MYT1L: variants seen among roughly 807,000 people sequenced by gnomAD.
The protein encoded by MYT1L is myelin transcription factor 1 like.
In MYT1L, 12 loss-of-function variants were observed where a neutral mutation model predicts 126.7. The observed-to-expected ratio is 0.09, with a 90% confidence interval of 0.06 to 0.15. The LOEUF is 0.15. Ranked by LOEUF, MYT1L falls within the 10% of genes least tolerant of loss-of-function variation. The pLI, the probability that MYT1L is intolerant of heterozygous loss-of-function variation, is 1.00. For missense variants in MYT1L, 979 were observed against 1,585.2 expected (o/e 0.62, Z 6.49); for synonymous variants, 541 against 604.2 (o/e 0.90, Z 1.53).
chr2:2,262,488 C>T (rs547972232), intron 2 of MYT1L, among the ~76,000 whole-genome samples: 3 of 151,942 alleles, frequency 2.0e-5, no homozygotes, highest in Non-Finnish European at 4.4e-5. Context: ...GTCAGGAGGT[C>T]GAGACCATCC....
At chr2:1,932,222 C>G (rs1247319568) in intron 9 of MYT1L, among the ~76,000 whole-genome samples, 1 of 152,160 alleles carries the variant, frequency 6.6e-6, no homozygotes, top group East Asian at 1.9e-4. Context: ...AGGAAAACGT[C>G]TATTTAAGAT....
intron 4 of MYT1L, among the ~76,000 whole-genome samples, chr2:2,005,038 G>T (rs915080564): frequency 3.3e-5 from 5 of 149,826 alleles, no homozygotes; most frequent in Non-Finnish European, 7.4e-5. Context: ...TTTCCTGCAG[G>T]CGTTCTTTCC....
At chr2:1,978,860 C>T (rs1270208275) in intron 8 of MYT1L, among the ~76,000 whole-genome samples, 1 of 152,112 alleles carries the variant, frequency 6.6e-6, no homozygotes, top group Admixed American at 6.5e-5. Context: ...CCTCGGTGAG[C>T]AGTGGGAAGT....
At chr2:2,238,647 A>T (rs984021523) in intron 2 of MYT1L, among the ~76,000 whole-genome samples, 2 of 152,240 alleles carry the variant, frequency 1.3e-5, no homozygotes, top group Non-Finnish European at 2.9e-5. Context: ...TGTGCAGTGT[A>T]TATCTGAGAG....
chr2:2,262,710 T>A (rs957866833), intron 2 of MYT1L, among the ~76,000 whole-genome samples: 8 of 145,680 alleles, frequency 5.5e-5, no homozygotes, highest in African/African-American at 7.6e-5. Context: ...AAAAAAAAAA[T>A]TATGATTCCT....
intron 4 of MYT1L, among the ~76,000 whole-genome samples, chr2:2,040,427 G>A (rs2067401762): frequency 6.6e-6 from 1 of 152,196 alleles, no homozygotes; most frequent in Non-Finnish European, 1.5e-5. Flanking sequence ...GAGAATGTCT[G>A]CTCTGTGGAG....
chr2:1,933,845 C>A (rs546124354), intron 9 of MYT1L, among the ~76,000 whole-genome samples: 1 of 152,090 alleles, frequency 6.6e-6, no homozygotes, highest in Non-Finnish European at 1.5e-5. Context: ...GAATTTTTAA[C>A]ATTATTCAGT....
At chr2:1,899,531 G>A (rs919750054) in intron 14 of MYT1L, among the ~76,000 whole-genome samples, 12 of 152,278 alleles carry the variant, frequency 7.9e-5, no homozygotes, top group Non-Finnish European at 1.3e-4. Context: ...GTCAGCCTGC[G>A]TGGATTTCTA....
intron 4 of MYT1L, among the ~76,000 whole-genome samples, chr2:2,031,583 C>A (rs2066263883): frequency 2.1e-5 from 3 of 144,068 alleles, no homozygotes; most frequent in African/African-American, 8.0e-5. Context: ...TTACACACAC[C>A]CCTCGCCAGT....
At chr2:2,289,900 G>C (rs1190481780) in intron 1 of MYT1L, among the ~76,000 whole-genome samples, 1 of 152,206 alleles carries the variant, frequency 6.6e-6, no homozygotes, top group East Asian at 1.9e-4. Context: ...TTCAGCACTG[G>C]CAGCAAGGGC....
At chr2:1,802,054 G>A in intron 22 of MYT1L, 1 of 358,458 alleles carries the variant, frequency 2.8e-6, no homozygotes, top group South Asian at 3.8e-5. Flanking sequence ...GCACTTTGAG[G>A]GTCGAGCTCC....
intron 4 of MYT1L, among the ~76,000 whole-genome samples, chr2:2,004,366 T>C (rs140768698): frequency 0.04 from 2,739 of 67,948 alleles, 101 homozygotes; most frequent in Middle Eastern, 0.077. Flanking sequence ...TTCTTTCCTG[T>C]GTGCCTTCTT....
In MYT1L at chr2:2,085,731, T is replaced by C. The variant is rs1248757686; in HGVS notation, c.-303-31608A>G. Among the ~76,000 whole-genome samples the C allele has an allele frequency of 1.3e-4, 20 of 152,210 alleles. No individual in the cohort carries two copies. In the East Asian group the frequency reaches 3.7e-3, roughly 28 times the overall value. On this transcript the variant is annotated intron_variant, in intron 3 of 24. Transcript: ENST00000647738. Reference sequence around the variant, plus strand: ...TTGAATTTGATCCACACAGTCCTACTGTTTTATGCCCTAGCTGGAGCCCAG... The same window carrying C: ...TTGAATTTGATCCACACAGTCCTACCGTTTTATGCCCTAGCTGGAGCCCAG...
intron 2 of MYT1L, among the ~76,000 whole-genome samples, chr2:2,243,215 G>A (rs1330325180): frequency 6.6e-6 from 1 of 152,180 alleles, no homozygotes; most frequent in Non-Finnish European, 1.5e-5. Flanking sequence ...CTTTATTACA[G>A]TTTCCTCAAC....
chr2:1,958,563 T>G (rs377021054), intron 8 of MYT1L, among the ~76,000 whole-genome samples: 1 of 152,138 alleles, frequency 6.6e-6, no homozygotes, highest in African/African-American at 2.4e-5. Flanking sequence ...CTTGAAGAGG[T>G]GTCTCAGGGT....
At chr2:1,813,963 C>T (rs1162659770) in intron 21 of MYT1L, among the ~76,000 whole-genome samples, 1 of 133,108 alleles carries the variant, frequency 7.5e-6, no homozygotes, top group Non-Finnish European at 1.6e-5. Context: ...GGAGGCGGAG[C>T]TTGCAGTGAG....
intron 8 of MYT1L, among the ~76,000 whole-genome samples, chr2:1,959,359 C>A (rs984686183): frequency 6.6e-6 from 1 of 151,976 alleles, no homozygotes; most frequent in Admixed American, 6.6e-5. Flanking sequence ...CGGAGACAGG[C>A]CTGTGACCTC....
At chr2:2,301,774 C>T (rs1372303210) in intron 1 of MYT1L, among the ~76,000 whole-genome samples, 2 of 149,050 alleles carry the variant, frequency 1.3e-5, no homozygotes, top group African/African-American at 5.0e-5. Flanking sequence ...CTGCAGTGAG[C>T]TACGTTTGCA....
In MYT1L at chr2:1,803,729, G is replaced by T. The variant is rs1468322223; in HGVS notation, c.3173-1930C>A. On this transcript the variant is annotated intron_variant, in intron 22 of 24. Transcript: ENST00000647738. ...AGCCTGGGAACGTCTCAGTCCTGGG[G>T]CTGCCCACTGCGGCTCTGTGCAGCA... Among the ~76,000 whole-genome samples the T allele has an allele frequency of 2.0e-5, 3 of 152,198 alleles. No individual in the cohort carries two copies. In the East Asian group the frequency reaches 5.8e-4, roughly 29 times the overall value.
Sources: gnomAD v4.1 joint callset for allele counts (sites outside exome capture counted in the v4.1 genomes callset) on GRCh38, gnomAD v4.1.1 for gene constraint, MANE v1.5 for transcripts, NCBI Gene and HGNC (gene_info 2026-07-23, HGNC 2026-07-21) for gene names.